The following CREM variants were observed in gnomAD, a reference collection of about 807,000 sequenced individuals.
The protein encoded by CREM is cAMP responsive element modulator.
CREM carries 13 observed loss-of-function variants against 37.3 expected under a neutral mutation model. That is an observed-to-expected ratio of 0.35 (90% CI 0.23 to 0.55). The LOEUF (loss-of-function observed/expected upper bound fraction) is 0.55, where lower values mean the gene tolerates loss of function less well. Ranked by LOEUF, CREM falls within the 20% of genes least tolerant of loss-of-function variation. The pLI, the probability that CREM is intolerant of heterozygous loss-of-function variation, is 0.88. For synonymous variants in CREM, 124 were observed against 120.2 expected (o/e 1.03, Z -0.21); for missense variants, 296 against 362.3 (o/e 0.82, Z 1.49).
chr10:35,185,792 G>C (rs2094533115), intron 5 of CREM, among the ~76,000 whole-genome samples: 1 of 152,196 alleles, frequency 6.6e-6, no homozygotes, highest in South Asian at 2.1e-4. Flanking sequence ...TTCTGTAACT[G>C]ACTCTTCAGT....
intron 3 of CREM, among the ~76,000 whole-genome samples, chr10:35,177,989 A>G (rs556349099): frequency 6.6e-6 from 1 of 152,292 alleles, no homozygotes; most frequent in East Asian, 1.9e-4. Context: ...GGAGGTGAAT[A>G]TACACCTCCG....
At position 35,211,288 on chromosome 10, in the gene CREM, G is replaced by A; in HGVS notation, c.790G>A (p.Glu264Lys). Reference sequence around the variant, plus strand: ...CCGGGAGTGTCGCAGGAAGAAGAAAGAATATGTCAAATGTCTTGAAAATCG... The same window carrying A: ...CCGGGAGTGTCGCAGGAAGAAGAAAAAATATGTCAAATGTCTTGAAAATCG... ...AARECRRKKK[E>K]YVKCLENRVA... is the part of the protein sequence containing the mutation. The change falls in exon 8 of 8, where the codon GAA becomes AAA. Residue 264 changes from glutamate (E) to lysine (K), a missense_variant. Glu to Lys is a moderately conservative substitution (Grantham distance 56, BLOSUM62 1). This residue lies in a region of CREM where 39 missense variants were observed against 82.0 expected (regional missense o/e 0.48). Coordinates refer to ENST00000685392, the MANE Select transcript of CREM (RefSeq NM_183011.2). 3 of 1,614,110 alleles carry A rather than the reference G, an allele frequency of 1.9e-6. No individual in the cohort carries two copies. The highest frequency in any genetic ancestry group is 2.5e-6 in the Non-Finnish European group (3 of 1,180,018).
rs570361638 is a variant in CREM at position 35,156,553 on chromosome 10, G to A, written c.168+8062G>A. On this transcript the variant is annotated intron_variant, in intron 3 of 7. Transcript: ENST00000685392. ...GTGTGAGCCACTATGTTCAGCCAGA[G>A]ACTATTTTCTTTCCCTTATTTTATC... Among the ~76,000 whole-genome samples the A allele has an allele frequency of 9.9e-5, 15 of 152,274 alleles. No homozygotes were observed. The South Asian group carries it at 3.1e-3, about 32-fold the overall frequency.
intron 2 of CREM, 86 bp downstream of exon 2, chr10:35,137,965 C>A: frequency 3.1e-6 from 3 of 974,310 alleles, no homozygotes; most frequent in Non-Finnish European, 3.0e-6. Context: ...TAGATGTACA[C>A]ATACATGTAT....
chr10:35,144,484 G>A (rs999209143), intron 2 of CREM, among the ~76,000 whole-genome samples: 1 of 152,088 alleles, frequency 6.6e-6, no homozygotes, highest in Non-Finnish European at 1.5e-5. Context: ...TACAGATTTG[G>A]GAGCCATCTG....
At chr10:35,182,420 A>G (rs1365630288) in intron 5 of CREM, among the ~76,000 whole-genome samples, 1 of 152,000 alleles carries the variant, frequency 6.6e-6, no homozygotes, top group Admixed American at 6.5e-5. Context: ...TTATTATAAA[A>G]AAAAATTTTA....
At chr10:35,195,310 C>G (rs1260730218) in intron 6 of CREM, 20 of 1,426,702 alleles carry the variant, frequency 1.4e-5, no homozygotes, top group Non-Finnish European at 1.9e-5. Flanking sequence ...GAAAGTGTTA[C>G]TCTCCTAGTC....
intron 3 of CREM, among the ~76,000 whole-genome samples, chr10:35,161,490 T>G (rs1414213205): frequency 6.6e-6 from 1 of 151,366 alleles, no homozygotes; most frequent in Non-Finnish European, 1.5e-5. Flanking sequence ...CAAGACTCCA[T>G]CTCAAAAACA....
chr10:35,205,526 C>T (rs985578735), intron 6 of CREM, among the ~76,000 whole-genome samples: 6 of 152,152 alleles, frequency 3.9e-5, no homozygotes, highest in African/African-American at 1.4e-4. Context: ...TAAAGACATT[C>T]AGTGACTGTT....
chr10:35,194,278 A>G (rs954691998), intron 6 of CREM, among the ~76,000 whole-genome samples: 1 of 151,872 alleles, frequency 6.6e-6, no homozygotes, highest in Non-Finnish European at 1.5e-5. Flanking sequence ...CCAGCTCTCT[A>G]TGTGCCAAGC....
intron 3 of CREM, among the ~76,000 whole-genome samples, chr10:35,176,735 TC>T (rs2094110806): frequency 6.6e-6 from 1 of 152,120 alleles, no homozygotes; most frequent in African/African-American, 2.4e-5. Context: ...TCATGAATAA[TC>T]ACCTTAGTAG....
intron 3 of CREM, among the ~76,000 whole-genome samples, chr10:35,164,864 A>G (rs2093461725): frequency 6.6e-6 from 1 of 152,102 alleles, no homozygotes; most frequent in Admixed American, 6.6e-5. Flanking sequence ...AGCCTGGCCA[A>G]CATGGTGAAA....
rs192570300 is a variant in CREM at position 35,170,201 on chromosome 10, G to A, written c.169-8688G>A. ...AGGATGGTCTCTATCTCCTGAACTCGTGATCCGCCTGCCTCAGGCTCTGAA... is the reference window on the plus strand; with the variant it reads ...AGGATGGTCTCTATCTCCTGAACTCATGATCCGCCTGCCTCAGGCTCTGAA... On this transcript the variant is annotated intron_variant, in intron 3 of 7. Transcript: ENST00000685392. 5.1e-3 allele frequency among the ~76,000 whole-genome samples: 770 copies of A among 152,184 alleles called. 49 individuals carry two copies. The South Asian group carries it at 0.13, about 27-fold the overall frequency.
At chr10:35,170,447 A>G (rs560316383) in intron 3 of CREM, among the ~76,000 whole-genome samples, 54 of 152,126 alleles carry the variant, frequency 3.5e-4, no homozygotes, top group Non-Finnish European at 5.0e-4. Flanking sequence ...CTGTTTTTCT[A>G]TTGATTGGAA....
At chr10:35,127,930 C>T (rs1354972812) in intron 1 of CREM, among the ~76,000 whole-genome samples, 8 of 152,176 alleles carry the variant, frequency 5.3e-5, no homozygotes, top group Admixed American at 3.9e-4. Context: ...ACTGCAGCCT[C>T]TGCCTCCTGG....
chr10:35,130,559 T>C (rs1423676557), intron 1 of CREM, among the ~76,000 whole-genome samples: 1 of 152,224 alleles, frequency 6.6e-6, no homozygotes, highest in Non-Finnish European at 1.5e-5. Context: ...TCCCATAAGA[T>C]TATAATGGAG....
intron 3 of CREM, chr10:35,175,729 A>G (rs1457157299): frequency 6.2e-7 from 1 of 1,614,076 alleles, no homozygotes. Context: ...ATAGTTTGTC[A>G]TTTCTCAGCA....
At chr10:35,163,540 C>T (rs2093395410) in intron 3 of CREM, among the ~76,000 whole-genome samples, 1 of 152,010 alleles carries the variant, frequency 6.6e-6, no homozygotes, top group South Asian at 2.1e-4. Context: ...AAAACTTAGG[C>T]CAGGTGCAGT....
chr10:35,149,923 CACACACACACACACA>C (rs1227229489), intron 3 of CREM, among the ~76,000 whole-genome samples: 3 of 150,832 alleles, frequency 2.0e-5, no homozygotes, highest in African/African-American at 4.9e-5. Context: ...CACACACACA[CACACACACACACACA>C]CCCTTGTTAA....
Sources: gnomAD v4.1 joint callset for allele counts (sites outside exome capture counted in the v4.1 genomes callset) on GRCh38, gnomAD v4.1.1 for gene constraint, gnomAD v4.1.1 regional missense constraint, MANE v1.5 for transcripts, NCBI Gene and HGNC (gene_info 2026-07-23, HGNC 2026-07-21) for gene names.